Variants in SLC16A9 observed in about 807,000 individuals in gnomAD.
SLC16A9 encodes solute carrier family 16 member 9.
A neutral mutation model predicts 44.3 loss-of-function variants in SLC16A9; 26 were observed. The observed-to-expected ratio is 0.59, with a 90% CI of 0.43 to 0.81. SLC16A9 has a LOEUF of 0.81. Ranked by LOEUF, SLC16A9 falls within the 40% of genes least tolerant of loss-of-function variation. SLC16A9 has a pLI of 0.00. For missense variants in SLC16A9, 559 were observed against 595.8 expected (o/e 0.94, Z 0.64); for synonymous variants, 230 against 225.1 (o/e 1.02, Z -0.19).
intron 4 of SLC16A9, among the ~76,000 whole-genome samples, chr10:59,661,015 G>T (rs1796499333): frequency 6.6e-6 from 1 of 152,034 alleles, no homozygotes; most frequent in African/African-American, 2.4e-5. Context: ...AAAATAATAA[G>T]ATCTATTTCT....
intron 4 of SLC16A9, among the ~76,000 whole-genome samples, chr10:59,658,287 T>G (rs747790755): frequency 1.3e-5 from 2 of 152,128 alleles, no homozygotes; most frequent in Non-Finnish European, 2.9e-5. Context: ...ATGTCTTATG[T>G]CTCCCTAAAA....
rs1179496813 is a variant in SLC16A9, at chr10:59,652,829, C to T, written c.1473G>A (p.Lys491=). 1 of 1,613,806 alleles carries T rather than the reference C, an allele frequency of 6.2e-7. No individual in the cohort carries two copies. Among genetic ancestry groups the T allele is most frequent in the East Asian group, 2.2e-5 (1 of 44,850 alleles). Residue 491 remains lysine, a synonymous_variant, in exon 6 of 6, where the codon AAG becomes AAA. Transcript: ENST00000395348. ...AALPSWDTCN[K]QLPKPAPTTF... ...TTGTTGGAGCTGGCTTGGGGAGTTGCTTGTTGCATGTATCCCAAGAGGGCA... is the reference window on the plus strand; with the variant it reads ...TTGTTGGAGCTGGCTTGGGGAGTTGTTTGTTGCATGTATCCCAAGAGGGCA...
rs182975676 is a variant in SLC16A9 at position 59,669,302 on chromosome 10, T to C, written c.340+3468A>G. Among the ~76,000 whole-genome samples, 417 of 152,314 alleles carry C rather than the reference T, an allele frequency of 2.7e-3. 4 individuals are homozygous for C. The highest frequency in any genetic ancestry group is 9.2e-3 in the African/African-American group (384 of 41,576). ...TCACTGTATTGCCTTTTGCCTGATTTAGAAAATTTATTGAGAAAACAGGAG... is the reference window on the plus strand; with the variant it reads ...TCACTGTATTGCCTTTTGCCTGATTCAGAAAATTTATTGAGAAAACAGGAG... On this transcript the variant is annotated intron_variant, in intron 3 of 5. Transcript: ENST00000395348.
intron 4 of SLC16A9, among the ~76,000 whole-genome samples, chr10:59,659,212 G>C (rs1839416691): frequency 6.6e-6 from 1 of 152,080 alleles, no homozygotes; most frequent in East Asian, 1.9e-4. Flanking sequence ...GGAATAACAA[G>C]AGTAAACAGC....
chr10:59,661,678 C>T (rs1181506545), intron 4 of SLC16A9, among the ~76,000 whole-genome samples: 1 of 152,074 alleles, frequency 6.6e-6, no homozygotes, highest in Non-Finnish European at 1.5e-5. Context: ...CAAAAAAGAG[C>T]CCATATAGCC....
intron 1 of SLC16A9, among the ~76,000 whole-genome samples, chr10:59,702,086 C>T (rs116109531): frequency 0.026 from 3,923 of 152,254 alleles, 160 homozygotes; most frequent in African/African-American, 0.088. Flanking sequence ...TGAATGAATG[C>T]ATTGAAAGCC....
chr10:59,682,085 T>C (rs1246154870), intron 2 of SLC16A9, among the ~76,000 whole-genome samples: 1 of 152,052 alleles, frequency 6.6e-6, no homozygotes, highest in African/African-American at 2.4e-5. Flanking sequence ...CTCAGCTCAA[T>C]GGTGGTAGAG....
rs181793306 is a variant in SLC16A9 at position 59,677,672 on chromosome 10, C to T, written c.197-4759G>A. On this transcript the variant is annotated intron_variant, in intron 2 of 5. Coordinates refer to ENST00000395348, the MANE Select transcript of SLC16A9 (RefSeq NM_194298.3). ...ATAAGAGGAAGAAAAACCAAGGCCA[C>T]AGAACTAAGCCTTGAACTAGGCTGC... 1.1e-3 allele frequency among the ~76,000 whole-genome samples: 174 copies of T among 152,236 alleles called. 1 individual carries two copies. The highest frequency in any genetic ancestry group is 4.1e-3 in the African/African-American group (169 of 41,564).
chr10:59,654,160 A>G lies in SLC16A9; in HGVS notation c.866T>C (p.Leu289Ser), dbSNP rs1393512600. The change falls in exon 5 of 6, where the codon TTA becomes TCA. Residue 289 changes from leucine to serine, a missense_variant. Transcript: ENST00000395348. The stretch of plus-strand genomic sequence containing the variant: ...AGTTTCACCACAGTAGTTTTTATAT[A>G]ACTGCCACTTCCTCTTGGCAAGCTG... Reference protein sequence around the residue: ...CKQLAKRKWQLYKNYCGETVA... With the variant: ...CKQLAKRKWQSYKNYCGETVA... 1 of 1,614,124 alleles carries G rather than the reference A, an allele frequency of 6.2e-7. No homozygotes were observed. The highest frequency in any genetic ancestry group is 1.1e-5 in the South Asian group (1 of 91,072).
chr10:59,695,121 A>G (rs1367743430), intron 1 of SLC16A9, among the ~76,000 whole-genome samples: 2 of 152,170 alleles, frequency 1.3e-5, no homozygotes, highest in South Asian at 2.1e-4. Context: ...GTAGAAACAG[A>G]AAGTAGATTA....
At chr10:59,695,196 G>A (rs1840345578) in intron 1 of SLC16A9, among the ~76,000 whole-genome samples, 1 of 152,064 alleles carries the variant, frequency 6.6e-6, no homozygotes, top group Non-Finnish European at 1.5e-5. Context: ...TAATGCATAT[G>A]AGGTTTCTTC....
At chr10:59,687,858 G>A (rs192312272) in intron 1 of SLC16A9, among the ~76,000 whole-genome samples, 1 of 151,996 alleles carries the variant, frequency 6.6e-6, no homozygotes, top group East Asian at 1.9e-4. Flanking sequence ...TGCTCAAAAG[G>A]CTGAGGTGGG....
chr10:59,698,025 C>T (rs1384491444), intron 1 of SLC16A9, among the ~76,000 whole-genome samples: 3 of 150,536 alleles, frequency 2.0e-5, no homozygotes, highest in Non-Finnish European at 4.4e-5. Context: ...CTATTACTTT[C>T]ACAACCTTAG....
chr10:59,697,057 G>A (rs1340856117), intron 1 of SLC16A9, among the ~76,000 whole-genome samples: 2 of 101,082 alleles, frequency 2.0e-5, no homozygotes, highest in Non-Finnish European at 4.2e-5. Context: ...GCCCCTACTG[G>A]GAAGTGAGGA....
At chr10:59,657,868 G>A (rs1028717059) in intron 4 of SLC16A9, among the ~76,000 whole-genome samples, 1 of 152,040 alleles carries the variant, frequency 6.6e-6, no homozygotes, top group South Asian at 2.1e-4. Flanking sequence ...CTTGGCCAAG[G>A]GTATTCTGAA....
rs966422097 is a variant in SLC16A9, at chr10:59,656,682, A to G, written c.437-2093T>C. Among the ~76,000 whole-genome samples, 8 of 152,320 alleles carry G rather than the reference A, an allele frequency of 5.3e-5. No individual in the cohort carries two copies. The Middle Eastern group carries it at 0.017, about 324-fold the overall frequency. On this transcript the variant is annotated intron_variant, in intron 4 of 5. Coordinates refer to ENST00000395348, the MANE Select transcript of SLC16A9 (RefSeq NM_194298.3). Reference sequence around the variant, plus strand: ...GTGATTGTTAAAAATTTTAAGTTCCAGGATACATGTGCAGGACGTGCAGTT... The same window carrying G: ...GTGATTGTTAAAAATTTTAAGTTCCGGGATACATGTGCAGGACGTGCAGTT...
chr10:59,651,592 G>T lies in SLC16A9; in HGVS notation c.*1180C>A, dbSNP rs1396981314. ...TTCAAAAAGATCTATAGGGAATTCT[G>T]ATGCATACCAAAGTTTAAAACCCAT... On this transcript the variant is annotated 3_prime_UTR_variant, in exon 6 of 6. Transcript: ENST00000395348. 1 of 152,052 alleles carries T rather than the reference G, an allele frequency of 6.6e-6. No individual in the cohort carries two copies. Among genetic ancestry groups the T allele is most frequent in the Non-Finnish European group, 1.5e-5 (1 of 68,008 alleles). 9.4% of individuals were successfully genotyped at this position (152,052 alleles called of 1,614,324 possible). A position where few individuals can be genotyped will look rare whatever the true frequency, so the allele number is the denominator to read the frequency against.
rs775927017 is a variant in SLC16A9, at chr10:59,664,342, G to C, written c.341-20C>G. 3 of 1,544,948 alleles carry C rather than the reference G, an allele frequency of 1.9e-6. No homozygotes were observed. The highest frequency in any genetic ancestry group is 2.7e-6 in the Non-Finnish European group (3 of 1,124,752). On this transcript the variant is annotated intron_variant, in intron 3 of 5. Coordinates refer to ENST00000395348, the MANE Select transcript of SLC16A9 (RefSeq NM_194298.3). ...CAAGACCTAAGCATGAGAAGACATT[G>C]CATAAATTAAGACGCTGCATTACTT... is the stretch of plus-strand genomic sequence containing the variant.
chr10:59,681,755 TGTATATG>T (rs1182371087), intron 2 of SLC16A9, among the ~76,000 whole-genome samples: 687 of 27,782 alleles, frequency 0.025, 110 homozygotes, highest in South Asian at 0.1. Context: ...TATATGTATA[TGTATATG>T]ATGTATATGT....
Sources: gnomAD v4.1 joint callset for allele counts (sites outside exome capture counted in the v4.1 genomes callset) on GRCh38, gnomAD v4.1.1 for gene constraint, MANE v1.5 for transcripts, NCBI Gene and HGNC (gene_info 2026-07-23, HGNC 2026-07-21) for gene names.